Variants in CNTNAP2 observed in about 807,000 individuals in gnomAD.
CNTNAP2 encodes the protein contactin-associated protein-like 2.
Under a neutral mutation model 155.2 loss-of-function variants are expected in CNTNAP2, and 98 were observed. The ratio of observed to expected loss-of-function variants is 0.63; its 90% CI spans 0.54 to 0.75. CNTNAP2 has a LOEUF of 0.75. Ranked by LOEUF, CNTNAP2 falls within the 30% of genes least tolerant of loss-of-function variation. The probability of loss-of-function intolerance (pLI) is 0.00; values close to 1 mark genes in which losing one functional copy is unlikely to be tolerated. For synonymous variants in CNTNAP2, 651 were observed against 631.2 expected (o/e 1.03, Z -0.47); for missense variants, 1,727 against 1,688.1 (o/e 1.02, Z -0.40).
chr7:148,051,870 T>G (rs552319481), intron 15 of CNTNAP2, among the ~76,000 whole-genome samples: 5 of 152,266 alleles, frequency 3.3e-5, no homozygotes, highest in Non-Finnish European at 7.4e-5. Context: ...CTGGGCACAG[T>G]GGCTCACGCC....
At chr7:148,217,699 C>T (rs1795670633) in intron 19 of CNTNAP2, among the ~76,000 whole-genome samples, 175 bp downstream of exon 19, 1 of 152,206 alleles carries the variant, frequency 6.6e-6, no homozygotes, top group Admixed American at 6.5e-5. Flanking sequence ...AAACAACTTG[C>T]CAGCTGGGTG....
At chr7:147,035,957 G>A (rs1333516054) in intron 3 of CNTNAP2, among the ~76,000 whole-genome samples, 2 of 152,120 alleles carry the variant, frequency 1.3e-5, no homozygotes, top group African/African-American at 4.8e-5. Context: ...TATTTTCCAA[G>A]TGATTACAAA....
chr7:147,779,835 G>A (rs1411589809), intron 13 of CNTNAP2, among the ~76,000 whole-genome samples: 1 of 152,100 alleles, frequency 6.6e-6, no homozygotes, highest in Non-Finnish European at 1.5e-5. Context: ...CCTTATATAG[G>A]AATTTTAAAA....
At position 147,038,022 on chromosome 7, in the gene CNTNAP2, G is replaced by A. The variant is rs142047434; in HGVS notation, c.403-5885G>A. Among the ~76,000 whole-genome samples, 836 of 152,164 alleles carry A rather than the reference G, an allele frequency of 5.5e-3. 5 individuals carry two copies. The highest frequency in any genetic ancestry group is 8.9e-3 in the Non-Finnish European group (606 of 68,008). On this transcript the variant is annotated intron_variant, in intron 3 of 23. Transcript: ENST00000361727. ...GAAGTGGAAAAATCACAATCTATTG[G>A]CACACACCTATAGTCCTAGCTACTC...
At chr7:146,548,272 C>T (rs1237818924) in intron 1 of CNTNAP2, among the ~76,000 whole-genome samples, 1 of 151,994 alleles carries the variant, frequency 6.6e-6, no homozygotes, top group Non-Finnish European at 1.5e-5. Flanking sequence ...ACGTCTCCAT[C>T]CACATCCCTG....
chr7:146,646,651 G>A (rs1799817320), intron 1 of CNTNAP2, among the ~76,000 whole-genome samples: 1 of 152,092 alleles, frequency 6.6e-6, no homozygotes, highest in Non-Finnish European at 1.5e-5. Context: ...CATAAATAAT[G>A]TTTCAGTTTC....
At chr7:147,069,950 GACAAC>G (rs1015034365) in intron 4 of CNTNAP2, among the ~76,000 whole-genome samples, 169 of 152,246 alleles carry the variant, frequency 1.1e-3, no homozygotes, top group African/African-American at 3.9e-3. Flanking sequence ...TGCAGTATTA[GACAAC>G]ACAGCATAGA....
intron 1 of CNTNAP2, among the ~76,000 whole-genome samples, chr7:146,420,002 A>C (rs1171000291): frequency 1.3e-5 from 2 of 152,152 alleles, no homozygotes; most frequent in Non-Finnish European, 2.9e-5. Flanking sequence ...TCCATATAAA[A>C]AAAGGAAATA....
chr7:146,249,176 T>C (rs916864430), intron 1 of CNTNAP2, among the ~76,000 whole-genome samples: 2 of 152,130 alleles, frequency 1.3e-5, no homozygotes, highest in African/African-American at 4.8e-5. Flanking sequence ...GATGTGTACG[T>C]GCAGGTCACA....
chr7:146,174,400 T>C (rs1003294947), intron 1 of CNTNAP2, among the ~76,000 whole-genome samples: 8 of 151,996 alleles, frequency 5.3e-5, no homozygotes, highest in Non-Finnish European at 7.4e-5. Context: ...TTTGTACTTT[T>C]AGTAGAAACA....
Position 147,235,925 on chromosome 7 carries a change from A to G in CNTNAP2, c.1349-64216A>G, listed in dbSNP as rs1314012260. On this transcript the variant is annotated intron_variant, in intron 8 of 23. Transcript: ENST00000361727. ...ACTTAATTTGCTACTTTTAAATATG[A>G]AAGACCGTGAATTCACACAAGTACT... Among the ~76,000 whole-genome samples the G allele has an allele frequency of 2.0e-5, 3 of 152,210 alleles. No homozygotes were observed. The East Asian group carries it at 5.8e-4, about 29-fold the overall frequency.
intron 1 of CNTNAP2, among the ~76,000 whole-genome samples, chr7:146,356,380 C>T (rs186785994): frequency 3.3e-5 from 5 of 152,228 alleles, no homozygotes; most frequent in Admixed American, 3.3e-4. Flanking sequence ...ATCCTTATTG[C>T]CCATTAATTA....
At chr7:147,682,594 G>A (rs185323298) in intron 13 of CNTNAP2, among the ~76,000 whole-genome samples, 8 of 151,846 alleles carry the variant, frequency 5.3e-5, no homozygotes, top group Admixed American at 3.3e-4. Context: ...CATAATTGTC[G>A]GGTGAGACTG....
intron 21 of CNTNAP2, among the ~76,000 whole-genome samples, chr7:148,338,561 AG>A (rs146944344): frequency 0.062 from 9,297 of 150,318 alleles, 417 homozygotes; most frequent in Middle Eastern, 0.13. Context: ...TGGGGGGGTG[AG>A]GGGGGGGTGA....
chr7:146,639,114 C>A (rs985417913), intron 1 of CNTNAP2, among the ~76,000 whole-genome samples: 1 of 152,190 alleles, frequency 6.6e-6, no homozygotes, highest in African/African-American at 2.4e-5. Context: ...CATTAGGCAG[C>A]GTAGGCTGTA....
chr7:146,945,378 A>C (rs1007366330), intron 3 of CNTNAP2, among the ~76,000 whole-genome samples: 1 of 152,204 alleles, frequency 6.6e-6, no homozygotes, highest in East Asian at 1.9e-4. Flanking sequence ...CAACCCGGGA[A>C]TATCCATTTC....
rs1800071247 is a variant in CNTNAP2 at position 148,419,615 on chromosome 7, T to TTG, written c.*3999_*4000insTG. The TTG allele has an allele frequency of 6.6e-6, 1 of 151,040 alleles. No individual in the cohort carries two copies. The highest frequency in any genetic ancestry group is 1.5e-5 in the Non-Finnish European group (1 of 67,746). The allele number at this position is 151,040 out of a possible 1,614,324, so 9.4% of individuals were successfully genotyped here. ...CACCCAGCTAATTTTTTTTTTTTTT[T>TTG]GTATTATTAGTAGAAGCCAGGTTTC... On this transcript the variant is annotated 3_prime_UTR_variant, in exon 24 of 24. Transcript: ENST00000361727.
At chr7:146,959,467 C>G (rs1395397049) in intron 3 of CNTNAP2, among the ~76,000 whole-genome samples, 3 of 151,884 alleles carry the variant, frequency 2.0e-5, no homozygotes, top group Admixed American at 6.5e-5. Flanking sequence ...CATCTGTAAT[C>G]CCAGCACTTC....
At chr7:147,871,271 G>A (rs1799322058) in intron 13 of CNTNAP2, among the ~76,000 whole-genome samples, 1 of 152,134 alleles carries the variant, frequency 6.6e-6, no homozygotes, top group African/African-American at 2.4e-5. Context: ...GGGAAATTAG[G>A]TAACTAGTCT....
Sources: gnomAD v4.1 joint callset for allele counts (sites outside exome capture counted in the v4.1 genomes callset) on GRCh38, gnomAD v4.1.1 for gene constraint, MANE v1.5 for transcripts, NCBI Gene and HGNC (gene_info 2026-07-23, HGNC 2026-07-21) for gene names.